The following SVEP1 variants were observed in gnomAD, a reference collection of about 807,000 sequenced individuals.
SVEP1 encodes the protein sushi, von Willebrand factor type A, EGF and pentraxin domain containing 1, also known as sushi, von Willebrand factor type A, EGF and pentraxin domain-containing protein 1.
A neutral mutation model predicts 367.3 loss-of-function variants in SVEP1; 164 were observed. The observed-to-expected ratio is 0.45, with a 90% CI of 0.39 to 0.51. The LOEUF (loss-of-function observed/expected upper bound fraction) is 0.51. SVEP1 is among the 20% of genes least tolerant of loss of function. SVEP1 has a pLI of 0.00. For synonymous variants in SVEP1, 1,666 were observed against 1,611.6 expected (o/e 1.03, Z -0.81); for missense variants, 4,117 against 4,425.3 (o/e 0.93, Z 1.98).
intron 18 of SVEP1, among the ~76,000 whole-genome samples, chr9:110,463,504 T>C (rs1316767139): frequency 2.2e-5 from 3 of 136,718 alleles, no homozygotes; most frequent in South Asian, 2.3e-4. Flanking sequence ...CAGTACACTA[T>C]AAAAATAAAT....
chr9:110,560,044 T>G (rs986933487), intron 1 of SVEP1, among the ~76,000 whole-genome samples: 1 of 152,204 alleles, frequency 6.6e-6, no homozygotes. Flanking sequence ...TATACACTCA[T>G]GTACCACATA....
intron 5 of SVEP1, among the ~76,000 whole-genome samples, chr9:110,503,940 A>G (rs1829581168): frequency 6.6e-6 from 1 of 152,126 alleles, no homozygotes; most frequent in East Asian, 1.9e-4. Context: ...AAAGATTACA[A>G]CTCTCCACCT....
chr9:110,496,059 GAA>G, intron 8 of SVEP1, among the ~76,000 whole-genome samples: 1 of 152,178 alleles, frequency 6.6e-6, no homozygotes, highest in East Asian at 1.9e-4. Context: ...TCCATAGAAT[GAA>G]AAGTTTCTGG....
intron 2 of SVEP1, among the ~76,000 whole-genome samples, chr9:110,547,619 G>A (rs571813089): frequency 2.0e-5 from 3 of 152,240 alleles, no homozygotes; most frequent in South Asian, 4.1e-4. Context: ...TAGCTGTCAA[G>A]ACTAGTGTAC....
Position 110,465,879 on chromosome 9 carries a change from AT to A in SVEP1, c.3307del (p.Ile1103PhefsTer18). 6.2e-7 allele frequency: 1 copy of A among 1,613,014 alleles called. No homozygotes were observed. Among genetic ancestry groups the A allele is most frequent in the Non-Finnish European group, 8.5e-7 (1 of 1,179,454 alleles). ...TSTVKRGAVN[I>X]SACGVPCPEG... Reference sequence around the variant, plus strand: ...GCTTTGATAACCTCCACATGCAGAAATGTTCACGGCTCCTCTTTTCACAGTT... The same window carrying A: ...GCTTTGATAACCTCCACATGCAGAAAGTTCACGGCTCCTCTTTTCACAGTT... On this transcript the variant is annotated frameshift_variant, in exon 18 of 48. Transcript: ENST00000374469. LOFTEE classifies it high-confidence loss of function.
intron 13 of SVEP1, 150 bp from the exon 14 acceptor site, chr9:110,476,465 C>T: frequency 1.6e-6 from 1 of 628,860 alleles, no homozygotes; most frequent in South Asian, 1.9e-5. Flanking sequence ...GATTCTGACC[C>T]TCCTCCCCTA....
chr9:110,526,620 G>T (rs1315797906), intron 3 of SVEP1, among the ~76,000 whole-genome samples: 2 of 152,060 alleles, frequency 1.3e-5, no homozygotes, highest in Non-Finnish European at 2.9e-5. Context: ...AAACATTTTG[G>T]CAAGTTCTTA....
At chr9:110,486,655 CTTT>C (rs774328287) in intron 9 of SVEP1, among the ~76,000 whole-genome samples, 36 of 146,446 alleles carry the variant, frequency 2.5e-4, no homozygotes, top group African/African-American at 8.6e-4. Flanking sequence ...CTCTCTCTCT[CTTT>C]TTTTTTTTAG....
chr9:110,396,063 C>G (rs1184079114), intron 40 of SVEP1, among the ~76,000 whole-genome samples: 1 of 152,024 alleles, frequency 6.6e-6, no homozygotes, highest in Non-Finnish European at 1.5e-5. Context: ...CTTTTCAGCA[C>G]CACACCTATT....
chr9:110,534,320 C>T (rs1372479173), intron 3 of SVEP1, among the ~76,000 whole-genome samples: 1 of 152,182 alleles, frequency 6.6e-6, no homozygotes, highest in African/African-American at 2.4e-5. Context: ...AGGATAATGG[C>T]TTCCAACTCC....
At chr9:110,562,469 C>T (rs1830444897) in intron 1 of SVEP1, among the ~76,000 whole-genome samples, 1 of 152,044 alleles carries the variant, frequency 6.6e-6, no homozygotes, top group Non-Finnish European at 1.5e-5. Context: ...ATGCTAATGT[C>T]AAGAGGTCAA....
intron 3 of SVEP1, among the ~76,000 whole-genome samples, chr9:110,515,483 G>A (rs1482153102): frequency 1.3e-5 from 2 of 151,940 alleles, no homozygotes; most frequent in African/African-American, 4.8e-5. Context: ...TGTATTTTTA[G>A]TAGAGACGGG....
chr9:110,569,258 A>G (rs1830526607), intron 1 of SVEP1, among the ~76,000 whole-genome samples: 1 of 152,020 alleles, frequency 6.6e-6, no homozygotes, highest in Non-Finnish European at 1.5e-5. Context: ...GGAGTTTGAG[A>G]CCACCCTGAC....
At chr9:110,532,944 C>T (rs1830038800) in intron 3 of SVEP1, among the ~76,000 whole-genome samples, 1 of 152,080 alleles carries the variant, frequency 6.6e-6, no homozygotes, top group Admixed American at 6.6e-5. Flanking sequence ...GATAATTTTT[C>T]CACTGACTAG....
At chr9:110,558,852 A>C (rs1241097291) in intron 1 of SVEP1, among the ~76,000 whole-genome samples, 3 of 152,230 alleles carry the variant, frequency 2.0e-5, no homozygotes, top group Admixed American at 6.5e-5. Flanking sequence ...ATATTAAAAG[A>C]AACTTTCTCG....
At chr9:110,491,737 A>G (rs1829369644) in intron 8 of SVEP1, among the ~76,000 whole-genome samples, 1 of 152,074 alleles carries the variant, frequency 6.6e-6, no homozygotes, top group African/African-American at 2.4e-5. Flanking sequence ...AAGAGTATAA[A>G]TCATGGAATA....
At chr9:110,497,693 T>C (rs886791378) in intron 7 of SVEP1, among the ~76,000 whole-genome samples, 3 of 152,258 alleles carry the variant, frequency 2.0e-5, no homozygotes, top group Non-Finnish European at 4.4e-5. Context: ...CTTTATACTA[T>C]GGTGCTGAAT....
At chr9:110,394,538 A>C (rs1405748336) in intron 40 of SVEP1, among the ~76,000 whole-genome samples, 1 of 152,218 alleles carries the variant, frequency 6.6e-6, no homozygotes, top group African/African-American at 2.4e-5. Context: ...AAGGCTTCAG[A>C]TGATCAAACT....
In SVEP1 at chr9:110,450,083, C is replaced by T; in HGVS notation, c.4079G>A (p.Cys1360Tyr). 6.2e-7 allele frequency: 1 copy of T among 1,613,922 alleles called. No homozygotes were observed. Among genetic ancestry groups the T allele is most frequent in the East Asian group, 2.2e-5 (1 of 44,884 alleles). ...LSQPCKNGATCKDGANSFRCL... is the reference protein window; with the variant it reads ...LSQPCKNGATYKDGANSFRCL... ...CCTGAAGCTATTGGCACCGTCTTTA[C>T]AGGTAGCTCCATTTTTGCATGGCTG... Residue 1360 changes from cysteine (C) to tyrosine (Y), a missense_variant, in exon 24 of 48, where the codon TGT becomes TAT. Physicochemically the swap from Cys to Tyr is radical, Grantham distance 194 (BLOSUM62 -2). Coordinates refer to ENST00000374469, the MANE Select transcript of SVEP1 (RefSeq NM_153366.4).
Sources: allele counts gnomAD v4.1 joint callset (sites outside exome capture counted in the v4.1 genomes callset), GRCh38; gene constraint gnomAD v4.1.1; transcripts MANE v1.5; gene names NCBI Gene and HGNC (gene_info 2026-07-23, HGNC 2026-07-21).